VAV2: variants seen among roughly 807,000 people sequenced by gnomAD.
VAV2 encodes vav guanine nucleotide exchange factor 2.
In VAV2, 67 loss-of-function variants were observed where a neutral mutation model predicts 132.5. That is an observed-to-expected ratio of 0.51 (90% CI 0.42 to 0.62). The LOEUF is 0.62. Among genes scored for constraint, VAV2 ranks in the 20% least tolerant of loss-of-function variants. The pLI is 0.00. For missense variants in VAV2, 938 were observed against 1,153.6 expected (o/e 0.81, Z 2.71); for synonymous variants, 492 against 443.5 (o/e 1.11, Z -1.37).
At chr9:133,933,122 C>T (rs72764813) in intron 2 of VAV2, among the ~76,000 whole-genome samples, 3,235 of 152,358 alleles carry the variant, frequency 0.021, 60 homozygotes, top group Non-Finnish European at 0.027. Flanking sequence ...GTCTCATTCA[C>T]GTTAGTGTCC....
At chr9:133,803,728 G>GAC (rs1835028147) in intron 9 of VAV2, among the ~76,000 whole-genome samples, 1 of 152,140 alleles carries the variant, frequency 6.6e-6, no homozygotes, top group East Asian at 1.9e-4. Flanking sequence ...CTTCACCCCC[G>GAC]ACGAGCTGCC....
intron 15 of VAV2, 42 bp from the exon 16 acceptor site, chr9:133,787,302 G>C: frequency 6.4e-7 from 1 of 1,554,126 alleles, no homozygotes; most frequent in Non-Finnish European, 8.7e-7. Context: ...GACGGTCAGT[G>C]AGAGGCTAAG....
intron 4 of VAV2, among the ~76,000 whole-genome samples, chr9:133,816,767 T>C (rs1564374351): frequency 2.0e-5 from 3 of 152,204 alleles, no homozygotes; most frequent in South Asian, 2.1e-4. Flanking sequence ...AACCTTACCA[T>C]TGGATTGCTT....
intron 2 of VAV2, among the ~76,000 whole-genome samples, chr9:133,870,673 A>G (rs1412948742): frequency 1.3e-5 from 2 of 151,774 alleles, no homozygotes; most frequent in Non-Finnish European, 2.9e-5. Flanking sequence ...ACATAGATGG[A>G]TAAGTCGGTG....
At chr9:133,982,934 G>A (rs1040760394) in intron 1 of VAV2, among the ~76,000 whole-genome samples, 12 of 152,304 alleles carry the variant, frequency 7.9e-5, no homozygotes, top group Admixed American at 4.6e-4. Flanking sequence ...GGAGAGTTGC[G>A]TAGTCGTGAC....
At chr9:133,902,787 G>C (rs746803532) in intron 2 of VAV2, among the ~76,000 whole-genome samples, 4 of 152,122 alleles carry the variant, frequency 2.6e-5, no homozygotes, top group Admixed American at 6.5e-5. Flanking sequence ...AAAAGAGGAA[G>C]TTTGCCAGGC....
intron 1 of VAV2, among the ~76,000 whole-genome samples, chr9:133,978,796 C>T (rs918070005): frequency 1.3e-5 from 2 of 152,238 alleles, no homozygotes; most frequent in Non-Finnish European, 1.5e-5. Context: ...GTCCCCTCCA[C>T]GGTCCTGTAT....
In VAV2 at chr9:133,877,977, G is replaced by A. The variant is rs148053717; in HGVS notation, c.322-16545C>T. Among the ~76,000 whole-genome samples, 1,044 of 152,304 alleles carry A rather than the reference G, an allele frequency of 6.9e-3. 14 individuals are homozygous for A. The highest frequency in any genetic ancestry group is 0.024 in the African/African-American group (996 of 41,560). On this transcript the variant is annotated intron_variant, in intron 2 of 29. Coordinates refer to ENST00000371850, the MANE Select transcript of VAV2 (RefSeq NM_001134398.2). ...ACACCTGCTCCTGCTCTGAACTCCC[G>A]CAGGAGTGCCTGGAAGGGCCTGGGA...
At chr9:133,869,960 A>C (rs181597904) in intron 2 of VAV2, among the ~76,000 whole-genome samples, 1 of 152,256 alleles carries the variant, frequency 6.6e-6, no homozygotes, top group Admixed American at 6.5e-5. Flanking sequence ...TCAGAAGCAA[A>C]TCATTATAAA....
At chr9:133,849,957 T>C (rs1017371618) in intron 3 of VAV2, among the ~76,000 whole-genome samples, 4 of 152,188 alleles carry the variant, frequency 2.6e-5, no homozygotes, top group Non-Finnish European at 5.9e-5. Flanking sequence ...TTCGGAGGGA[T>C]ACAGCTTTTG....
At position 133,802,611 on chromosome 9, in the gene VAV2, G is replaced by A. The variant is rs942321382; in HGVS notation, c.836+3470C>T. Among the ~76,000 whole-genome samples the A allele has an allele frequency of 1.9e-4, 29 of 152,158 alleles. No homozygotes were observed. Among genetic ancestry groups the A allele is most frequent in the African/African-American group, 5.1e-4 (21 of 41,424 alleles). On this transcript the variant is annotated intron_variant, in intron 9 of 29. Transcript: ENST00000371850. The surrounding 1 kb of genome is among the most constrained non-coding windows in gnomAD (Gnocchi z 5.8). Reference sequence around the variant, plus strand: ...CCCTTGCTCGTGAGTTGACAGACCCGTGGCCCGAGCTCCGTGGGTATTTGT... The same window carrying A: ...CCCTTGCTCGTGAGTTGACAGACCCATGGCCCGAGCTCCGTGGGTATTTGT...
Position 133,991,994 on chromosome 9 carries a change from C to G in VAV2, c.204+81G>C, listed in dbSNP as rs917537868. On this transcript the variant is annotated intron_variant, in intron 1 of 29. Transcript: ENST00000371850. The surrounding 1 kb of genome is among the most constrained non-coding windows in gnomAD (Gnocchi z 4.8). ...AGCCAGGGCGCCTGGGCCGCCGCCG[C>G]TGCGACCTCCGCGTTCAGTCCGCGC... The G allele has an allele frequency of 1.2e-4, 140 of 1,208,532 alleles. 1 individual carries two copies. In the African/African-American group the frequency reaches 1.9e-3, roughly 16 times the overall value. 74.9% of individuals were successfully genotyped at this position (1,208,532 alleles called of 1,614,324 possible). A position where few individuals can be genotyped will look rare whatever the true frequency, so the allele number is the denominator to read the frequency against.
Position 133,797,756 on chromosome 9 carries a change from A to G in VAV2, c.890T>C (p.Leu297Pro), listed in dbSNP as rs1469479782. 1 of 1,614,030 alleles carries G rather than the reference A, an allele frequency of 6.2e-7. No individual in the cohort carries two copies. The highest frequency in any genetic ancestry group is 1.3e-5 in the African/African-American group (1 of 75,034). ...CSHMEHAQNT[L>P]NQLLASREDF... Reference sequence around the variant, plus strand: ...CTCCCGGCTGGCCAGGAGCTGGTTCAGTGTGTTCTGGGCGTGCTCCATGTG... The same window carrying G: ...CTCCCGGCTGGCCAGGAGCTGGTTCGGTGTGTTCTGGGCGTGCTCCATGTG... The change falls in exon 10 of 30, where the codon CTG becomes CCG. Residue 297 changes from leucine to proline, a missense_variant. Leu to Pro is a moderately conservative substitution (Grantham distance 98, BLOSUM62 -3). Coordinates refer to ENST00000371850, the MANE Select transcript of VAV2 (RefSeq NM_001134398.2).
chr9:133,927,788 A>T (rs1052750146), intron 2 of VAV2: 2 of 152,234 alleles, frequency 1.3e-5, no homozygotes, highest in African/African-American at 4.8e-5. Flanking sequence ...AGGAGCAAGA[A>T]TCCCTACCTC....
intron 2 of VAV2, among the ~76,000 whole-genome samples, chr9:133,865,042 A>G (rs1434065235): frequency 6.6e-6 from 1 of 152,232 alleles, no homozygotes. Flanking sequence ...GGTTCAGCAG[A>G]GGATAGGAAG....
At chr9:133,970,106 T>A (rs1842280289) in intron 1 of VAV2, among the ~76,000 whole-genome samples, 1 of 152,004 alleles carries the variant, frequency 6.6e-6, no homozygotes, top group Admixed American at 6.5e-5. Context: ...GCTCCCACAA[T>A]GGCCACACTC....
At chr9:133,950,346 CCA>C (rs1396511568) in intron 1 of VAV2, among the ~76,000 whole-genome samples, 2 of 152,288 alleles carry the variant, frequency 1.3e-5, no homozygotes, top group East Asian at 3.9e-4. Context: ...CGCCTCCAGT[CCA>C]CAGTCAGACA....
intron 4 of VAV2, among the ~76,000 whole-genome samples, chr9:133,830,010 G>A (rs7036496): frequency 0.1 from 15,191 of 152,082 alleles, 1,529 homozygotes; most frequent in African/African-American, 0.26. Context: ...ACCAGCTGAC[G>A]ATGGAATGAA....
intron 23 of VAV2, among the ~76,000 whole-genome samples, chr9:133,776,592 C>G (rs577944739): frequency 5.3e-5 from 8 of 152,266 alleles, no homozygotes; most frequent in African/African-American, 1.9e-4. Flanking sequence ...CCCTATTCAC[C>G]ATGCAGATGG....
Sources: gnomAD v4.1 joint callset for allele counts (sites outside exome capture counted in the v4.1 genomes callset) on GRCh38, gnomAD v4.1.1 for gene constraint, Gnocchi (gnomAD v3.1) non-coding constraint, MANE v1.5 for transcripts, NCBI Gene and HGNC (gene_info 2026-07-23, HGNC 2026-07-21) for gene names.